CTNNA2: variants seen among roughly 807,000 people sequenced by gnomAD.
CTNNA2 encodes catenin alpha-2.
A neutral mutation model predicts 101.0 loss-of-function variants in CTNNA2; 42 were observed. That is an observed-to-expected ratio of 0.42 (90% confidence interval 0.32 to 0.54). The LOEUF is 0.54. CTNNA2 is among the 20% of genes least tolerant of loss of function. CTNNA2 has a pLI of 0.14. For missense variants in CTNNA2, 871 were observed against 1,223.1 expected (o/e 0.71, Z 4.29); for synonymous variants, 450 against 456.4 (o/e 0.99, Z 0.18).
At chr2:79,639,933 T>TGG (rs1491427612) in intron 1 of CTNNA2, among the ~76,000 whole-genome samples, 2 of 84,708 alleles carry the variant, frequency 2.4e-5, no homozygotes, top group Admixed American at 9.7e-5. Context: ...TAACTATAAT[T>TGG]GTGTGTGTGT....
In CTNNA2 at chr2:79,356,425, C is replaced by T. The variant is rs184300781; in HGVS notation, c.-317-17406C>T. The stretch of plus-strand genomic sequence containing the variant: ...TGCATTCTTGCTTTCTTGATAGTGC[C>T]CTTTAATAAACAAAAGTTTTAATTT... On this transcript the variant is annotated intron_variant, in intron 3 of 21. Transcript: ENST00000466387. Among the ~76,000 whole-genome samples the T allele has an allele frequency of 3.4e-3, 517 of 151,982 alleles. 3 individuals carry two copies. Among genetic ancestry groups the T allele is most frequent in the African/African-American group, 7.2e-3 (299 of 41,442 alleles).
intron 4 of CTNNA2, among the ~76,000 whole-genome samples, chr2:79,393,420 C>A (rs1292189033): frequency 6.6e-6 from 1 of 152,282 alleles, no homozygotes; most frequent in Admixed American, 6.5e-5. Context: ...CAGCCTCACT[C>A]ATTTGTTTAT....
Position 80,312,985 on chromosome 2 carries a change from T to C in CTNNA2, c.1057-80226T>C, listed in dbSNP as rs144113674. 5.7e-4 allele frequency among the ~76,000 whole-genome samples: 87 copies of C among 152,348 alleles called. No individual in the cohort carries two copies. The East Asian group carries it at 0.015, about 26-fold the overall frequency. Reference sequence around the variant, plus strand: ...TGTAAACACTCTCATTGAATTGAGTTTATTAACTAGTTTGAATGCTTGCCT... The same window carrying C: ...TGTAAACACTCTCATTGAATTGAGTCTATTAACTAGTTTGAATGCTTGCCT... On this transcript the variant is annotated intron_variant, in intron 7 of 18. Coordinates refer to ENST00000402739, the MANE Select transcript of CTNNA2 (RefSeq NM_001282597.3).
chr2:79,446,148 C>T (rs1678830602), intron 4 of CTNNA2, among the ~76,000 whole-genome samples: 1 of 151,884 alleles, frequency 6.6e-6, no homozygotes, highest in Non-Finnish European at 1.5e-5. Flanking sequence ...ATAAAGAGGT[C>T]CCTGAGATCG....
intron 9 of CTNNA2, among the ~76,000 whole-genome samples, chr2:80,436,314 GC>G (rs1466217075): frequency 6.6e-6 from 1 of 152,146 alleles, no homozygotes; most frequent in Non-Finnish European, 1.5e-5. Context: ...TTACCTGGGA[GC>G]TTGTTGGAAA....
chr2:79,326,465 G>GT (rs371374463), intron 3 of CTNNA2, among the ~76,000 whole-genome samples: 29 of 152,000 alleles, frequency 1.9e-4, no homozygotes, highest in Non-Finnish European at 4.0e-4. Flanking sequence ...TACAACCTAG[G>GT]TTTTTTTTAA....
chr2:80,196,401 C>T lies in CTNNA2; in HGVS notation c.1057-196810C>T, dbSNP rs75173907. Among the ~76,000 whole-genome samples the T allele has an allele frequency of 4.9e-4, 75 of 152,258 alleles. 1 individual carries two copies. The East Asian group carries it at 7.3e-3, about 15-fold the overall frequency. On this transcript the variant is annotated intron_variant, in intron 7 of 18. Transcript: ENST00000402739. ...TTCCTGTGACCTTGTGCCCCTACCT[C>T]GTAACTTTCAGCGTCCATGTCCTAC...
At chr2:80,434,356 G>A (rs759872551) in intron 9 of CTNNA2, among the ~76,000 whole-genome samples, 1 of 152,104 alleles carries the variant, frequency 6.6e-6, no homozygotes, top group African/African-American at 2.4e-5. Flanking sequence ...TGTACTTGTA[G>A]CTATTCTGGT....
rs926967519 is a variant in CTNNA2 at position 79,531,126 on chromosome 2, G to T, written c.-6+17919G>T. Among the ~76,000 whole-genome samples the T allele has an allele frequency of 2.7e-5, 4 of 147,160 alleles. No homozygotes were observed. The South Asian group carries it at 6.5e-4, about 24-fold the overall frequency. The stretch of plus-strand genomic sequence containing the variant: ...TAATTATAACCACTAGGGAAGTTAT[G>T]ATTTAAAGAAGTTCTTTTGTAAGGG... On this transcript the variant is annotated intron_variant, in intron 1 of 18. Transcript: ENST00000402739.
chr2:79,965,635 T>C (rs746498296), intron 7 of CTNNA2, among the ~76,000 whole-genome samples: 5 of 151,312 alleles, frequency 3.3e-5, no homozygotes, highest in East Asian at 1.9e-4. Flanking sequence ...ACCAGCCTGG[T>C]CAACATAGAG....
intron 7 of CTNNA2, among the ~76,000 whole-genome samples, chr2:80,120,366 A>C (rs1441342677): frequency 6.6e-6 from 1 of 152,190 alleles, no homozygotes. Flanking sequence ...CTGACATGCC[A>C]TGGAAAACTC....
intron 7 of CTNNA2, among the ~76,000 whole-genome samples, chr2:80,216,579 A>T (rs1293927275): frequency 6.6e-6 from 1 of 152,116 alleles, no homozygotes; most frequent in Admixed American, 6.5e-5. Context: ...AGAGCTAGCT[A>T]TCTCTCTTTT....
chr2:80,509,131 G>T (rs1688506247), intron 9 of CTNNA2, among the ~76,000 whole-genome samples: 1 of 151,976 alleles, frequency 6.6e-6, no homozygotes. Flanking sequence ...CCCTCACGTG[G>T]GTATAACACA....
chr2:79,482,327 A>C (rs1011139182), intron 4 of CTNNA2, among the ~76,000 whole-genome samples: 1 of 152,224 alleles, frequency 6.6e-6, no homozygotes, highest in Admixed American at 6.5e-5. Flanking sequence ...TCTTCCATAC[A>C]TGCACACAGG....
chr2:80,023,262 A>G (rs1388043418), intron 7 of CTNNA2, among the ~76,000 whole-genome samples: 1 of 152,226 alleles, frequency 6.6e-6, no homozygotes, highest in Non-Finnish European at 1.5e-5. Flanking sequence ...CTGAGTGAGC[A>G]TTAGTGCGAG....
intron 2 of CTNNA2, among the ~76,000 whole-genome samples, chr2:79,308,378 T>G (rs1407192660): frequency 6.6e-6 from 1 of 152,144 alleles, no homozygotes; most frequent in Non-Finnish European, 1.5e-5. Context: ...ATTATTTGTT[T>G]TTTTGCTGTT....
At chr2:79,874,054 C>G in intron 5 of CTNNA2, 22 bp from the exon 6 acceptor site, 1 of 1,611,806 alleles carries the variant, frequency 6.2e-7, no homozygotes, top group Non-Finnish European at 8.5e-7. Flanking sequence ...TGTGTGACAG[C>G]TTTCATGTGT....
intron 1 of CTNNA2, among the ~76,000 whole-genome samples, chr2:79,613,573 T>G (rs900773864): frequency 9.2e-5 from 14 of 152,212 alleles, no homozygotes; most frequent in Middle Eastern, 3.2e-3. Context: ...CTTTAGATAA[T>G]TGAAGACGAA....
At chr2:79,906,785 C>T (rs530290291) in intron 6 of CTNNA2, among the ~76,000 whole-genome samples, 2 of 152,218 alleles carry the variant, frequency 1.3e-5, no homozygotes, top group African/African-American at 4.8e-5. Context: ...TTTCCATGCT[C>T]GAATAGATTT....
Sources: allele counts gnomAD v4.1 joint callset (sites outside exome capture counted in the v4.1 genomes callset), GRCh38; gene constraint gnomAD v4.1.1; transcripts MANE v1.5; gene names NCBI Gene and HGNC (gene_info 2026-07-23, HGNC 2026-07-21).